OR8H2: variants seen among roughly 807,000 people sequenced by gnomAD.
OR8H2 encodes the protein olfactory receptor family 8 subfamily H member 2.
For missense variants in OR8H2, 374 were observed against 371.1 expected, an observed-to-expected ratio of 1.01 and a Z score of -0.06; for synonymous variants, 157 against 139.2, an observed-to-expected ratio of 1.13 and a Z score of -0.90.
chr11:56,104,846 T>G (rs2460218), intron 1 of OR8H2, 26 bp from the exon 2 acceptor site: 137,765 of 396,338 alleles, frequency 0.35, 25,026 homozygotes, highest in Non-Finnish European at 0.38. Flanking sequence ...AGTTTTTTTT[T>G]GTTTGTTTTT....
At position 56,105,827 on chromosome 11, in the gene OR8H2, C is replaced by T. The variant is rs143759988; in HGVS notation, c.785C>T (p.Pro262Leu). ...YSTLIFTYLK[P>L]RKSYSLGRDQ... ...ACTCTGATTTTTACTTATTTAAAAC[C>T]AAGAAAGTCTTATTCCTTGGGAAGA... Residue 262 changes from proline (P) to leucine (L), a missense_variant, in exon 2 of 2, where the codon CCA becomes CTA. Transcript: ENST00000313503. 207 of 1,613,488 alleles carry T rather than the reference C, an allele frequency of 1.3e-4. No individual in the cohort carries two copies. The South Asian group carries it at 1.7e-3, about 13-fold the overall frequency.
chr11:56,105,732 C>A lies in OR8H2; in HGVS notation c.690C>A (p.Ser230=). The A allele has an allele frequency of 6.2e-7, 1 of 1,613,732 alleles. No individual in the cohort carries two copies. The highest frequency in any genetic ancestry group is 8.5e-7 in the Non-Finnish European group (1 of 1,179,656). Residue 230 remains serine (S), a synonymous_variant, in exon 2 of 2, where the codon TCC becomes TCA. Transcript: ENST00000313503. ...TCTTTACCATCCTGAAAATTAATTC[C>A]ACTTCAGGAAAGCAGAAAGCTTTCT... is the stretch of plus-strand genomic sequence containing the variant. ...FILFTILKIN[S]TSGKQKAFST... is the part of the protein sequence containing the mutation.
rs1298041826 is a variant in OR8H2 at position 56,103,837 on chromosome 11, T to G, written c.-322T>G. The G allele has an allele frequency of 1.3e-4, 20 of 152,162 alleles. No homozygotes were observed. Among genetic ancestry groups the G allele is most frequent in the Admixed American group, 1.2e-3 (19 of 15,272 alleles). 9.4% of individuals were successfully genotyped at this position (152,162 alleles called of 1,614,324 possible). On this transcript the variant is annotated 5_prime_UTR_variant, in exon 1 of 2. An upstream open reading frame in the 5' UTR loses its in-frame stop. Transcript: ENST00000313503. The stretch of plus-strand genomic sequence containing the variant: ...AAAACATAATGAATACACCAAAATG[T>G]AAAAACAACTTATCTCAAGTAAAAT...
Position 56,105,825 on chromosome 11 carries a change from A to C in OR8H2, c.783A>C (p.Lys261Asn). Residue 261 changes from lysine (K) to asparagine (N), a missense_variant, in exon 2 of 2, where the codon AAA (lysine) becomes AAC (asparagine). By Grantham distance (94) the Lys-to-Asn change is moderately conservative (BLOSUM62 0). Coordinates refer to ENST00000313503, the MANE Select transcript of OR8H2 (RefSeq NM_001386064.1). ...FYSTLIFTYL[K>N]PRKSYSLGRD... ...GCACTCTGATTTTTACTTATTTAAA[A>C]CCAAGAAAGTCTTATTCCTTGGGAA... The C allele has an allele frequency of 6.2e-7, 1 of 1,613,634 alleles. No individual in the cohort carries two copies. Among genetic ancestry groups the C allele is most frequent in the Non-Finnish European group, 8.5e-7 (1 of 1,179,702 alleles).
Position 56,104,981 on chromosome 11 carries a change from G to C in OR8H2, c.-62G>C, listed in dbSNP as rs747286693. 2.8e-6 allele frequency: 4 copies of C among 1,409,106 alleles called. No individual in the cohort carries two copies. The highest frequency in any genetic ancestry group is 3.9e-6 in the Non-Finnish European group (4 of 1,027,960). The allele number at this position is 1,409,106 out of a possible 1,614,324, so 87.3% of individuals were successfully genotyped here. ...CCTGCCTCAGCTTCTCCAGTAGCTGGGATTACAGGCGCCCCTGCTACGTAT... is the reference window on the plus strand; with the variant it reads ...CCTGCCTCAGCTTCTCCAGTAGCTGCGATTACAGGCGCCCCTGCTACGTAT... On this transcript the variant is annotated 5_prime_UTR_variant, in exon 2 of 2. Coordinates refer to ENST00000313503, the MANE Select transcript of OR8H2 (RefSeq NM_001386064.1).
In OR8H2 at chr11:56,106,259, A is replaced by G. The variant is rs1387601089; in HGVS notation, c.*278A>G. 4 of 216,974 alleles carry G rather than the reference A, an allele frequency of 1.8e-5. No individual in the cohort carries two copies. The highest frequency in any genetic ancestry group is 1.1e-4 in the Admixed American group (2 of 18,862). The allele number at this position is 216,974 out of a possible 1,614,324, so 13.4% of individuals were successfully genotyped here. ...TGGAAAATAAGAAAATATGGTTGTC[A>G]TTTTTAATTATATTATTCAAATTCT... is the stretch of plus-strand genomic sequence containing the variant. On this transcript the variant is annotated 3_prime_UTR_variant, in exon 2 of 2. Coordinates refer to ENST00000313503, the MANE Select transcript of OR8H2 (RefSeq NM_001386064.1).
At position 56,105,002 on chromosome 11, in the gene OR8H2, C is replaced by T. The variant is rs532405288; in HGVS notation, c.-41C>T. The stretch of plus-strand genomic sequence containing the variant: ...GCTGGGATTACAGGCGCCCCTGCTA[C>T]GTATCAGCTTTGATTTCTCAGCAGT... On this transcript the variant is annotated 5_prime_UTR_variant, in exon 2 of 2. In the 5' UTR this introduces an upstream ATG that the reference lacks. Coordinates refer to ENST00000313503, the MANE Select transcript of OR8H2 (RefSeq NM_001386064.1). 9.8e-6 allele frequency: 15 copies of T among 1,524,176 alleles called. No homozygotes were observed. The highest frequency in any genetic ancestry group is 1.7e-4 in the Middle Eastern group (1 of 5,736). The allele number at this position is 1,524,176 out of a possible 1,614,324, so 94.4% of individuals were successfully genotyped here.
rs921628235 is a variant in OR8H2, at chr11:56,106,231, A to T, written c.*250A>T. ...TACATATATGTGTTTGAAGCAACTG[A>T]TGTGGAAAATAAGAAAATATGGTTG... On this transcript the variant is annotated 3_prime_UTR_variant, in exon 2 of 2. Coordinates refer to ENST00000313503, the MANE Select transcript of OR8H2 (RefSeq NM_001386064.1). 7.4e-6 allele frequency: 2 copies of T among 271,856 alleles called. No homozygotes were observed. Among genetic ancestry groups the T allele is most frequent in the African/African-American group, 4.4e-5 (2 of 45,742 alleles). 16.8% of individuals were successfully genotyped at this position (271,856 alleles called of 1,614,324 possible).
rs1854053176 is a variant in OR8H2 at position 56,106,145 on chromosome 11, T to A, written c.*164T>A. On this transcript the variant is annotated 3_prime_UTR_variant, in exon 2 of 2. Transcript: ENST00000313503. ...ACATGATTTTAAACATTTCAAGGCATATGTTTTTAGAAATCCAAATGGTAA... is the reference window on the plus strand; with the variant it reads ...ACATGATTTTAAACATTTCAAGGCAAATGTTTTTAGAAATCCAAATGGTAA... 1.9e-6 allele frequency: 1 copy of A among 515,090 alleles called. No homozygotes were observed. Among genetic ancestry groups the A allele is most frequent in the Non-Finnish European group, 3.4e-6 (1 of 298,448 alleles). The allele number at this position is 515,090 out of a possible 1,614,324, so 31.9% of individuals were successfully genotyped here.
Position 56,105,129 on chromosome 11 carries a change from T to C in OR8H2, c.87T>C (p.Phe29=). Residue 29 remains phenylalanine, a synonymous_variant, in exon 2 of 2, where the codon TTT becomes TTC. Coordinates refer to ENST00000313503, the MANE Select transcript of OR8H2 (RefSeq NM_001386064.1). ...CTGAAGAGATCCAGATGGCTCTGTTTATGCTATTTCTCCTGATATACCTAA... is the reference window on the plus strand; with the variant it reads ...CTGAAGAGATCCAGATGGCTCTGTTCATGCTATTTCTCCTGATATACCTAA... ...TLSEEIQMAL[F]MLFLLIYLIT... is the part of the protein sequence containing the mutation. The C allele has an allele frequency of 6.2e-7, 1 of 1,614,244 alleles. No individual in the cohort carries two copies. Among genetic ancestry groups the C allele is most frequent in the Non-Finnish European group, 8.5e-7 (1 of 1,180,038 alleles).
In OR8H2 at chr11:56,105,134, T is replaced by C. The variant is rs1410029273; in HGVS notation, c.92T>C (p.Leu31Pro). ...GAGATCCAGATGGCTCTGTTTATGCTATTTCTCCTGATATACCTAATTACT... is the reference window on the plus strand; with the variant it reads ...GAGATCCAGATGGCTCTGTTTATGCCATTTCTCCTGATATACCTAATTACT... ...SEEIQMALFMLFLLIYLITML... is the reference protein window; with the variant it reads ...SEEIQMALFMPFLLIYLITML... The change falls in exon 2 of 2, where the codon CTA (leucine) becomes CCA (proline). Residue 31 changes from leucine (L) to proline (P), a missense_variant. Coordinates refer to ENST00000313503, the MANE Select transcript of OR8H2 (RefSeq NM_001386064.1). 3 of 1,614,088 alleles carry C rather than the reference T, an allele frequency of 1.9e-6. No individual in the cohort carries two copies. The highest frequency in any genetic ancestry group is 1.3e-5 in the African/African-American group (1 of 74,942).
At position 56,105,351 on chromosome 11, in the gene OR8H2, T is replaced by C. The variant is rs1854037230; in HGVS notation, c.309T>C (p.Phe103=). The change falls in exon 2 of 2, where the codon TTT becomes TTC. Residue 103 remains phenylalanine, a synonymous_variant. Transcript: ENST00000313503. ...CGGGCTGCTTTGCCCAGATGTTCTTTTTTGCCTTCTTGGGTACTGCTGAAT... is the reference window on the plus strand; with the variant it reads ...CGGGCTGCTTTGCCCAGATGTTCTTCTTTGCCTTCTTGGGTACTGCTGAAT... ...SFTGCFAQMF[F]FAFLGTAECY... 5.6e-6 allele frequency: 9 copies of C among 1,614,226 alleles called. No individual in the cohort carries two copies. Among genetic ancestry groups the C allele is most frequent in the Non-Finnish European group, 7.6e-6 (9 of 1,180,026 alleles).
In OR8H2 at chr11:56,105,952, G is replaced by A. The variant is rs1565047242; in HGVS notation, c.910G>A (p.Val304Ile). 2.5e-6 allele frequency: 4 copies of A among 1,592,076 alleles called. No individual in the cohort carries two copies. The highest frequency in any genetic ancestry group is 3.4e-6 in the Non-Finnish European group (4 of 1,170,480). Residue 304 changes from valine (V) to isoleucine (I), a missense_variant, in exon 2 of 2, where the codon GTC becomes ATC. Physicochemically the swap from Val to Ile is conservative, Grantham distance 29. Coordinates refer to ENST00000313503, the MANE Select transcript of OR8H2 (RefSeq NM_001386064.1). ...AGAGGTGAAAAATGCTGTCATCAGA[G>A]TCATGCAGAGAAGACAGGACTCCAG... Reference protein sequence around the residue: ...NKEVKNAVIRVMQRRQDSR With the variant: ...NKEVKNAVIRIMQRRQDSR
In OR8H2 at chr11:56,105,417, G is replaced by A. The variant is rs1425546691; in HGVS notation, c.375G>A (p.Ala125=). ...LSSMAHDRYA[A]ICSPLHYTVI... is the part of the protein sequence containing the mutation. ...CAATGGCCCATGATCGCTATGCAGC[G>A]ATCTGCAGTCCTCTACACTACACAG... Residue 125 remains alanine (A), a synonymous_variant, in exon 2 of 2, where the codon GCG becomes GCA. Transcript: ENST00000313503. The A allele has an allele frequency of 1.9e-6, 3 of 1,613,964 alleles. No homozygotes were observed. Among genetic ancestry groups the A allele is most frequent in the East Asian group, 2.2e-5 (1 of 44,870 alleles).
rs910617190 is a variant in OR8H2, at chr11:56,104,852, T to A, written c.-171-20T>A. ...TAAACAGAAAGTTTTTTTTTGTTTG[T>A]TTTTTGTTTTTTGAGTCAGAGTCTG... On this transcript the variant is annotated intron_variant, in intron 1 of 1. Transcript: ENST00000313503. 8 of 425,358 alleles carry A rather than the reference T, an allele frequency of 1.9e-5. No individual in the cohort carries two copies. Among genetic ancestry groups the A allele is most frequent in the Non-Finnish European group, 2.9e-5 (7 of 241,662 alleles). The allele number at this position is 425,358 out of a possible 1,614,324, so 26.3% of individuals were successfully genotyped here. A position where few individuals can be genotyped will look rare whatever the true frequency, so the allele number is the denominator to read the frequency against.
Position 56,105,600 on chromosome 11 carries a change from T to C in OR8H2, c.558T>C (p.Ala186=). The C allele has an allele frequency of 6.2e-7, 1 of 1,614,174 alleles. No homozygotes were observed. The highest frequency in any genetic ancestry group is 8.5e-7 in the Non-Finnish European group (1 of 1,180,016). Residue 186 remains alanine (A), a synonymous_variant, in exon 2 of 2, where the codon GCT becomes GCC. Coordinates refer to ENST00000313503, the MANE Select transcript of OR8H2 (RefSeq NM_001386064.1). ...HFFCDTSPIL[A]LSCTDTYNTE... is the part of the protein sequence containing the mutation. ...TCTGTGACACTTCCCCAATTTTAGC[T>C]CTGTCCTGCACTGATACATACAACA...
chr11:56,105,215 C>T lies in OR8H2; in HGVS notation c.173C>T (p.Thr58Ile), dbSNP rs752426336. The change falls in exon 2 of 2, where the codon ACT becomes ATT. Residue 58 changes from threonine (T) to isoleucine (I), a missense_variant. Physicochemically the swap from Thr to Ile is moderately conservative, Grantham distance 89. Transcript: ENST00000313503. ...LIIRLDLQLH[T>I]PMYFFLTHLS... The stretch of plus-strand genomic sequence containing the variant: ...ATCCGCCTGGACCTCCAGCTTCACA[C>T]TCCCATGTATTTTTTCCTTACTCAC... 2.5e-6 allele frequency: 4 copies of T among 1,614,184 alleles called. No homozygotes were observed. The highest frequency in any genetic ancestry group is 2.5e-6 in the Non-Finnish European group (3 of 1,180,034).
Position 56,105,601 on chromosome 11 carries a change from C to T in OR8H2, c.559C>T (p.Leu187=), listed in dbSNP as rs1162969825. Residue 187 remains leucine (L), a synonymous_variant, in exon 2 of 2, where the codon CTG becomes TTG. Transcript: ENST00000313503. Reference sequence around the variant, plus strand: ...CTGTGACACTTCCCCAATTTTAGCTCTGTCCTGCACTGATACATACAACAC... The same window carrying T: ...CTGTGACACTTCCCCAATTTTAGCTTTGTCCTGCACTGATACATACAACAC... ...FFCDTSPILA[L]SCTDTYNTEI... 2.5e-6 allele frequency: 4 copies of T among 1,614,052 alleles called. No homozygotes were observed.
At position 56,105,440 on chromosome 11, in the gene OR8H2, C is replaced by T. The variant is rs1854039525; in HGVS notation, c.398C>T (p.Thr133Ile). The change falls in exon 2 of 2, where the codon ACA becomes ATA. Residue 133 changes from threonine (T) to isoleucine (I), a missense_variant. Transcript: ENST00000313503. Reference sequence around the variant, plus strand: ...GCGATCTGCAGTCCTCTACACTACACAGTTATTATGTCCAAAAGGCTCTGC... The same window carrying T: ...GCGATCTGCAGTCCTCTACACTACATAGTTATTATGTCCAAAAGGCTCTGC... ...YAAICSPLHY[T>I]VIMSKRLCLA... 6.8e-6 allele frequency: 11 copies of T among 1,614,198 alleles called. No homozygotes were observed. Among genetic ancestry groups the T allele is most frequent in the Non-Finnish European group, 9.3e-6 (11 of 1,180,038 alleles).
Sources: allele counts gnomAD v4.1 joint callset, GRCh38; gene constraint gnomAD v4.1.1; transcripts MANE v1.5; gene names NCBI Gene and HGNC (gene_info 2026-07-23, HGNC 2026-07-21).